Variants in PACRG observed in about 807,000 individuals in gnomAD.
PACRG encodes the protein parkin coregulated, also known as parkin coregulated gene protein.
Under a neutral mutation model 29.7 loss-of-function variants are expected in PACRG, and 29 were observed. That is an observed-to-expected ratio of 0.98 (90% confidence interval 0.73 to 1.33). PACRG has a LOEUF of 1.33. Among genes scored for constraint, PACRG ranks in the 40% most tolerant of loss-of-function variants. The probability of loss-of-function intolerance (pLI) is 0.00; values close to 1 mark genes in which losing one functional copy is unlikely to be tolerated. For missense variants in PACRG, 279 were observed against 316.2 expected (o/e 0.88, Z 0.89); for synonymous variants, 116 against 118.7 (o/e 0.98, Z 0.15).
At chr6:163,234,102 A>G (rs1782144289) in intron 4 of PACRG, among the ~76,000 whole-genome samples, 1 of 152,224 alleles carries the variant, frequency 6.6e-6, no homozygotes, top group Non-Finnish European at 1.5e-5. Flanking sequence ...AAAGTGACAC[A>G]GAGCAGGGAC....
At chr6:163,003,095 C>T (rs1189107302) in intron 2 of PACRG, among the ~76,000 whole-genome samples, 1 of 152,188 alleles carries the variant, frequency 6.6e-6, no homozygotes, top group Admixed American at 6.5e-5. Context: ...TCTTCATTCT[C>T]ACCAGCTGCT....
chr6:163,113,322 G>T lies in PACRG; in HGVS notation c.613+23914G>T, dbSNP rs368873482. Among the ~76,000 whole-genome samples the T allele has an allele frequency of 1.8e-4, 27 of 152,312 alleles. No homozygotes were observed. In the South Asian group the frequency reaches 5.6e-3, roughly 32 times the overall value. The stretch of plus-strand genomic sequence containing the variant: ...CTAGGGAGAAGAGAGAGAGAAAGCG[G>T]TAGAGAAGTTATTCAAAGAAATAAT... On this transcript the variant is annotated intron_variant, in intron 4 of 4. Transcript: ENST00000366888.
At position 163,186,089 on chromosome 6, in the gene PACRG, G is replaced by C. The variant is rs115948918; in HGVS notation, c.613+96681G>C. ...CTTCACTTAACTCTCAGCTCAGCTTGCAGGCACCCTCTGAGACGCAGGCAC... is the reference window on the plus strand; with the variant it reads ...CTTCACTTAACTCTCAGCTCAGCTTCCAGGCACCCTCTGAGACGCAGGCAC... On this transcript the variant is annotated intron_variant, in intron 4 of 4. Coordinates refer to ENST00000366888, the MANE Select transcript of PACRG (RefSeq NM_001080379.2). Among the ~76,000 whole-genome samples, 313 of 152,284 alleles carry C rather than the reference G, an allele frequency of 2.1e-3. 2 individuals carry two copies. Among genetic ancestry groups the C allele is most frequent in the African/African-American group, 7.3e-3 (302 of 41,556 alleles).
At chr6:163,206,756 C>T (rs1196258220) in intron 4 of PACRG, among the ~76,000 whole-genome samples, 1 of 71,126 alleles carries the variant, frequency 1.4e-5, no homozygotes, top group Non-Finnish European at 2.6e-5. Context: ...TGTCCCCTCA[C>T]AGGGAATGGG....
chr6:163,139,119 G>T (rs1253037699), intron 4 of PACRG, among the ~76,000 whole-genome samples: 1 of 152,198 alleles, frequency 6.6e-6, no homozygotes, highest in Non-Finnish European at 1.5e-5. Context: ...AGCTTCACTG[G>T]GCCGAAGGCA....
chr6:163,016,099 G>A (rs1215342782), intron 2 of PACRG: 1 of 152,110 alleles, frequency 6.6e-6, no homozygotes, highest in Admixed American at 6.5e-5. Context: ...GATAATCTAG[G>A]AAGGTCTGGA....
chr6:163,068,307 C>T (rs562418525), intron 3 of PACRG, among the ~76,000 whole-genome samples: 1 of 152,244 alleles, frequency 6.6e-6, no homozygotes, highest in East Asian at 1.9e-4. Flanking sequence ...AAACCCTTTT[C>T]ATTCAGAACA....
chr6:163,166,810 CT>C (rs1367555856), intron 4 of PACRG, among the ~76,000 whole-genome samples: 7 of 152,282 alleles, frequency 4.6e-5, no homozygotes, highest in African/African-American at 1.4e-4. Flanking sequence ...TATATAGTGT[CT>C]GGCTGAATGA....
At chr6:162,807,830 A>T (rs1373302563) in intron 1 of PACRG, among the ~76,000 whole-genome samples, 2 of 152,204 alleles carry the variant, frequency 1.3e-5, no homozygotes, top group African/African-American at 4.8e-5. Flanking sequence ...AAATAAACAC[A>T]ATATCTGTGA....
At chr6:162,940,406 C>T (rs992236029) in intron 2 of PACRG, among the ~76,000 whole-genome samples, 5 of 152,028 alleles carry the variant, frequency 3.3e-5, no homozygotes, top group African/African-American at 9.7e-5. Context: ...CTCTCTCTCT[C>T]CTGCCCATTT....
At chr6:163,245,235 G>A in intron 4 of PACRG, 1 of 227,428 alleles carries the variant, frequency 4.4e-6, no homozygotes, top group African/African-American at 2.3e-5. Flanking sequence ...ATCTTTTAAA[G>A]TCTACTTTCG....
At chr6:163,284,956 A>G (rs73025044) in intron 4 of PACRG, among the ~76,000 whole-genome samples, 106 of 152,294 alleles carry the variant, frequency 7.0e-4, no homozygotes, top group Non-Finnish European at 1.2e-3. Context: ...AAACCAAGCC[A>G]CTATCATCAC....
chr6:163,029,294 T>C, intron 2 of PACRG, among the ~76,000 whole-genome samples: 1 of 152,212 alleles, frequency 6.6e-6, no homozygotes. Context: ...GACTTGTGAC[T>C]TCAGAATTAT....
chr6:162,942,799 T>C (rs1104944), intron 2 of PACRG, among the ~76,000 whole-genome samples: 1,591 of 152,228 alleles, frequency 0.01, 21 homozygotes, highest in African/African-American at 0.029. Flanking sequence ...TGGAGGGGGC[T>C]TCAAGATAGC....
intron 4 of PACRG, among the ~76,000 whole-genome samples, chr6:163,193,954 G>A (rs1354999140): frequency 2.7e-5 from 4 of 147,536 alleles, no homozygotes; most frequent in South Asian, 2.1e-4. Flanking sequence ...GTGCAGTGCC[G>A]CGATCTCGGC....
intron 4 of PACRG, among the ~76,000 whole-genome samples, chr6:163,093,906 C>A (rs753675294): frequency 6.6e-6 from 1 of 152,144 alleles, no homozygotes; most frequent in Non-Finnish European, 1.5e-5. Context: ...CTGAAGTTTG[C>A]AAAATTTTAG....
At chr6:163,155,472 CTT>C (rs1175587101) in intron 4 of PACRG, among the ~76,000 whole-genome samples, 1 of 152,204 alleles carries the variant, frequency 6.6e-6, no homozygotes, top group Non-Finnish European at 1.5e-5. Flanking sequence ...TTAGGAAGGT[CTT>C]GTGTGTTCTG....
intron 4 of PACRG, among the ~76,000 whole-genome samples, chr6:163,153,453 T>G (rs74910890): frequency 0.011 from 1,624 of 152,352 alleles, 27 homozygotes; most frequent in African/African-American, 0.038. Flanking sequence ...GTTTTCCAAT[T>G]TATTCAACAG....
At chr6:163,209,353 G>C (rs13206740) in intron 4 of PACRG, among the ~76,000 whole-genome samples, 63,105 of 152,024 alleles carry the variant, frequency 0.42, 14,481 homozygotes, top group African/African-American at 0.63. Context: ...GCAAAAGGAC[G>C]AGAAATGGAT....
Sources: allele counts gnomAD v4.1 joint callset (sites outside exome capture counted in the v4.1 genomes callset), GRCh38; gene constraint gnomAD v4.1.1; transcripts MANE v1.5; gene names NCBI Gene and HGNC (gene_info 2026-07-23, HGNC 2026-07-21).